Variants in RBPJ observed in about 807,000 individuals in gnomAD.
RBPJ encodes the protein recombining binding protein suppressor of hairless.
In RBPJ, 9 loss-of-function variants were observed where a neutral mutation model predicts 67.8. That is an observed-to-expected ratio of 0.13 (90% CI 0.08 to 0.23). The LOEUF is 0.23. Among genes scored for constraint, RBPJ ranks in the 10% least tolerant of loss-of-function variants. RBPJ has a pLI of 1.00. For synonymous variants in RBPJ, 198 were observed against 203.3 expected (o/e 0.97, Z 0.22); for missense variants, 305 against 595.6 (o/e 0.51, Z 5.08).
At position 26,264,502 on chromosome 4, in the gene RBPJ, A is replaced by G. The variant is rs1720646494; in HGVS notation, c.-166-97944A>G. Among the ~76,000 whole-genome samples, 1 of 152,042 alleles carries G rather than the reference A, an allele frequency of 6.6e-6. No homozygotes were observed. The highest frequency in any genetic ancestry group is 2.1e-4 in the South Asian group (1 of 4,824). ...TTCTTTAAAATGGAGTTTCTTTCAA[A>G]TTCTTCAATGGTCCTTTGTTGCCCT... On this transcript the variant is annotated intron_variant, in intron 1 of 4. Coordinates refer to the RBPJ transcript ENST00000512351. This position sits in a 1 kb window ranked among gnomAD's most constrained non-coding sequence, Gnocchi z 4.1.
At chr4:26,350,579 C>G (rs971303518) in intron 1 of RBPJ, among the ~76,000 whole-genome samples, 3 of 152,100 alleles carry the variant, frequency 2.0e-5, no homozygotes, top group Non-Finnish European at 4.4e-5. Context: ...GACAAAAAAC[C>G]TACAACCTAT....
At chr4:26,283,997 G>C (rs1466412649) in intron 1 of RBPJ, among the ~76,000 whole-genome samples, 1 of 152,086 alleles carries the variant, frequency 6.6e-6, no homozygotes, top group African/African-American at 2.4e-5. Context: ...ATTTAAGCTG[G>C]AGGCAAATGC....
chr4:26,424,201 G>A lies in RBPJ; in HGVS notation c.497-141G>A. 2 of 751,354 alleles carry A rather than the reference G, an allele frequency of 2.7e-6. No homozygotes were observed. The highest frequency in any genetic ancestry group is 4.3e-6 in the Non-Finnish European group (2 of 462,830). The allele number at this position is 751,354 out of a possible 1,614,324, so 46.5% of individuals were successfully genotyped here. On this transcript the variant is annotated intron_variant, in intron 5 of 10. Coordinates refer to ENST00000355476, the MANE Select transcript of RBPJ (RefSeq NM_015874.6). This position sits in a 1 kb window ranked among gnomAD's most constrained non-coding sequence, Gnocchi z 5.3. Reference sequence around the variant, plus strand: ...TTGACTTTTTGATATCATCTGTACTGTCTTGGAAAGTGAAAATATTTGTCA... The same window carrying A: ...TTGACTTTTTGATATCATCTGTACTATCTTGGAAAGTGAAAATATTTGTCA...
chr4:26,164,889 A>T (rs1313184239), intron 1 of RBPJ, among the ~76,000 whole-genome samples: 1 of 152,154 alleles, frequency 6.6e-6, no homozygotes, highest in Non-Finnish European at 1.5e-5. Context: ...AGGCCAGAAA[A>T]CCAGGGAGGC....
At chr4:26,199,245 A>G (rs1239804101) in intron 1 of RBPJ, among the ~76,000 whole-genome samples, 1 of 152,144 alleles carries the variant, frequency 6.6e-6, no homozygotes. Context: ...GGAGATCGAG[A>G]CCATCCTGGC....
intron 1 of RBPJ, among the ~76,000 whole-genome samples, chr4:26,229,739 T>C (rs867037094): frequency 6.6e-6 from 1 of 152,140 alleles, no homozygotes; most frequent in Non-Finnish European, 1.5e-5. Context: ...ATGGGTATTA[T>C]TATAAGACGA....
At chr4:26,351,191 A>G (rs535329386) in intron 1 of RBPJ, among the ~76,000 whole-genome samples, 2 of 152,168 alleles carry the variant, frequency 1.3e-5, no homozygotes, top group South Asian at 2.1e-4. Context: ...GTGGATTTCA[A>G]AAGTATATGT....
intron 1 of RBPJ, among the ~76,000 whole-genome samples, chr4:26,358,547 G>A (rs1214491182): frequency 6.6e-6 from 1 of 150,578 alleles, no homozygotes; most frequent in Non-Finnish European, 1.5e-5. Flanking sequence ...GGCCAAGGTA[G>A]GAGGATCACT....
At chr4:26,197,714 C>A (rs1016001998) in intron 1 of RBPJ, among the ~76,000 whole-genome samples, 10 of 152,044 alleles carry the variant, frequency 6.6e-5, no homozygotes, top group African/African-American at 2.4e-4. Flanking sequence ...CTGAACTGTT[C>A]CTCCAGCCTC....
the RBPJ span, among the ~76,000 whole-genome samples, chr4:26,143,995 A>G: frequency 6.6e-6 from 1 of 152,226 alleles, no homozygotes; most frequent in African/African-American, 2.4e-5. Context: ...AAAAGACATT[A>G]TTGTAGAAAA....
intron 1 of RBPJ, among the ~76,000 whole-genome samples, chr4:26,310,764 G>C (rs991404071): frequency 5.3e-5 from 8 of 151,600 alleles, no homozygotes; most frequent in Admixed American, 5.3e-4. Context: ...CCGCCTCCCG[G>C]GCTCAAGTGA....
intron 1 of RBPJ, among the ~76,000 whole-genome samples, chr4:26,186,684 C>T (rs1313079029): frequency 2.0e-5 from 3 of 152,112 alleles, no homozygotes; most frequent in African/African-American, 7.2e-5. Flanking sequence ...AAGTGGGATT[C>T]AAAAATGTTC....
At chr4:26,255,403 CA>C (rs766336628) in intron 1 of RBPJ, among the ~76,000 whole-genome samples, 113 of 34,548 alleles carry the variant, frequency 3.3e-3, no homozygotes, top group South Asian at 0.016. Context: ...GACTCCGTCT[CA>C]AAAAAAAAAA....
chr4:26,430,974 T>C lies in RBPJ; in HGVS notation c.1431T>C (p.Ser477=), dbSNP rs1199062216. Residue 477 remains serine, a synonymous_variant, in exon 11 of 11, where the codon AGT becomes AGC. Transcript: ENST00000355476. The surrounding 1 kb of genome is among the most constrained non-coding windows in gnomAD (Gnocchi z 4.1). ...CAAACGCCAGCACAAATTCAACCAG[T>C]GTCACATCATCTACAGCCACAGTGG... The part of the protein sequence containing the change: ...SYTNASTNST[S]VTSSTATVVS The C allele has an allele frequency of 6.2e-7, 1 of 1,613,852 alleles. No homozygotes were observed. Among genetic ancestry groups the C allele is most frequent in the African/African-American group, 1.3e-5 (1 of 74,952 alleles).
intron 1 of RBPJ, among the ~76,000 whole-genome samples, chr4:26,214,466 G>A (rs1718553229): frequency 8.8e-6 from 1 of 113,004 alleles, no homozygotes; most frequent in Non-Finnish European, 1.7e-5. Context: ...AAGAATGAAA[G>A]AGAAGAAAGA....
chr4:26,165,020 T>C (rs1443425989), intron 1 of RBPJ, among the ~76,000 whole-genome samples: 5 of 152,206 alleles, frequency 3.3e-5, no homozygotes, highest in Non-Finnish European at 7.3e-5. Context: ...ATACTGTATT[T>C]AGCTAGTATA....
Position 26,431,865 on chromosome 4 carries a change from T to C in RBPJ, c.*858T>C, listed in dbSNP as rs1736270226. On this transcript the variant is annotated 3_prime_UTR_variant, in exon 11 of 11. Coordinates refer to ENST00000355476, the MANE Select transcript of RBPJ (RefSeq NM_015874.6). ...AAAAAATATGGACTTATTGTGGTTA[T>C]CTGAGAGGTTCTAACATTCACATGC... 1 of 152,218 alleles carries C rather than the reference T, an allele frequency of 6.6e-6. No individual in the cohort carries two copies. The highest frequency in any genetic ancestry group is 1.5e-5 in the Non-Finnish European group (1 of 68,034). 9.4% of individuals were successfully genotyped at this position (152,218 alleles called of 1,614,324 possible).
At chr4:26,261,814 T>G (rs1329535336) in intron 1 of RBPJ, among the ~76,000 whole-genome samples, 1 of 152,244 alleles carries the variant, frequency 6.6e-6, no homozygotes, top group Non-Finnish European at 1.5e-5. Context: ...TAGCCAGAAG[T>G]TCAAAAACAT....
chr4:26,334,525 A>T (rs1401639775), intron 1 of RBPJ, among the ~76,000 whole-genome samples: 2 of 152,152 alleles, frequency 1.3e-5, no homozygotes, highest in Admixed American at 6.5e-5. Context: ...TCTTCTGAGG[A>T]TCAAACGTGT....
Sources: gnomAD v4.1 joint callset for allele counts (sites outside exome capture counted in the v4.1 genomes callset) on GRCh38, gnomAD v4.1.1 for gene constraint, Gnocchi (gnomAD v3.1) non-coding constraint, MANE v1.5 for transcripts, NCBI Gene and HGNC (gene_info 2026-07-23, HGNC 2026-07-21) for gene names.